Variants in BTBD7 observed in about 807,000 individuals in gnomAD.
BTBD7 encodes the protein BTB domain containing 7, also known as BTB/POZ domain-containing protein 7.
A neutral mutation model predicts 99.9 loss-of-function variants in BTBD7; 38 were observed. That is an observed-to-expected ratio of 0.38 (90% CI 0.29 to 0.50). BTBD7 has a LOEUF of 0.50. Ranked by LOEUF, BTBD7 falls within the 20% of genes least tolerant of loss-of-function variation. The probability of loss-of-function intolerance (pLI) is 0.93; values close to 1 mark genes in which losing one functional copy is unlikely to be tolerated. For synonymous variants in BTBD7, 520 were observed against 511.4 expected (o/e 1.02, Z -0.23); for missense variants, 1,170 against 1,394.6 (o/e 0.84, Z 2.57).
At chr14:93,306,118 TATC>T in intron 1 of BTBD7, among the ~76,000 whole-genome samples, 1 of 152,288 alleles carries the variant, frequency 6.6e-6, no homozygotes, top group African/African-American at 2.4e-5. Flanking sequence ...ATGAGGTCCT[TATC>T]ATAGAAGACA....
At chr14:93,262,573 T>C (rs994679952) in intron 4 of BTBD7, among the ~76,000 whole-genome samples, 2 of 152,030 alleles carry the variant, frequency 1.3e-5, no homozygotes, top group Non-Finnish European at 2.9e-5. Flanking sequence ...GATAAGTAAA[T>C]GAAAGTGTAA....
Position 93,251,517 on chromosome 14 carries a change from G to C in BTBD7, c.1888C>G (p.Gln630Glu), listed in dbSNP as rs1183911793. Residue 630 changes from glutamine (Q) to glutamate (E), a missense_variant, in exon 8 of 11, where the codon CAG (glutamine) becomes GAG (glutamate). Around this residue, in one of 4 missense-constraint regions of BTBD7, gnomAD observed 309 missense variants for 342.0 expected, o/e 0.90. Coordinates refer to ENST00000334746, the MANE Select transcript of BTBD7 (RefSeq NM_001002860.4). ...GGGCTTGACTGGTTGCTGCTGATCT[G>C]CTGGTGGCTGATCATGTGACAACAC... is the stretch of plus-strand genomic sequence containing the variant. ...PQCCHMISHQ[Q>E]ISSNQSSPPS... The C allele has an allele frequency of 6.2e-7, 1 of 1,613,612 alleles. No individual in the cohort carries two copies. Among genetic ancestry groups the C allele is most frequent in the Non-Finnish European group, 8.5e-7 (1 of 1,179,630 alleles).
chr14:93,307,246 G>A (rs1241479965), intron 1 of BTBD7, among the ~76,000 whole-genome samples: 1 of 152,100 alleles, frequency 6.6e-6, no homozygotes, highest in African/African-American at 2.4e-5. Flanking sequence ...ACAGTGCCTG[G>A]GCTCAAGCAA....
chr14:93,267,374 C>T (rs1380304160), intron 3 of BTBD7, among the ~76,000 whole-genome samples: 1 of 152,162 alleles, frequency 6.6e-6, no homozygotes, highest in Admixed American at 6.5e-5. Flanking sequence ...TTCTCATCTG[C>T]AAAGCTGAGA....
chr14:93,268,824 T>C (rs1015077607), intron 3 of BTBD7, among the ~76,000 whole-genome samples: 1 of 147,078 alleles, frequency 6.8e-6, no homozygotes, highest in African/African-American at 2.5e-5. Flanking sequence ...AGCAGCACGA[T>C]CTCAGCTCAC....
In BTBD7 at chr14:93,238,226, G is replaced by A. The variant is rs1001465192; in HGVS notation, c.*4047C>T. The A allele has an allele frequency of 1.3e-5, 2 of 152,494 alleles. No individual in the cohort carries two copies. Among genetic ancestry groups the A allele is most frequent in the African/African-American group, 4.8e-5 (2 of 41,412 alleles). 9.4% of individuals were successfully genotyped at this position (152,494 alleles called of 1,614,324 possible). The stretch of plus-strand genomic sequence containing the variant: ...ACAGCATTATAATATTCAAAATATG[G>A]AAGATTGACAGTCTGAGGATTTTCT... On this transcript the variant is annotated 3_prime_UTR_variant, in exon 11 of 11. Transcript: ENST00000334746.
At chr14:93,312,285 T>C (rs1298310832) in intron 1 of BTBD7, among the ~76,000 whole-genome samples, 1 of 152,242 alleles carries the variant, frequency 6.6e-6, no homozygotes, top group Non-Finnish European at 1.5e-5. Flanking sequence ...GGTTACATAC[T>C]ACACTCTCAG....
At chr14:93,329,858 A>C (rs2053380961) in intron 1 of BTBD7, among the ~76,000 whole-genome samples, 1 of 152,190 alleles carries the variant, frequency 6.6e-6, no homozygotes, top group South Asian at 2.1e-4. Context: ...AAATGAAAGA[A>C]TTCTACAGAT....
chr14:93,243,206 T>G (rs1326474854), intron 10 of BTBD7, 118 bp from the exon 11 acceptor site: 7 of 1,018,858 alleles, frequency 6.9e-6, no homozygotes, highest in East Asian at 2.6e-5. Flanking sequence ...TTTTGTTTTT[T>G]TTTTTGAGAC....
intron 3 of BTBD7, among the ~76,000 whole-genome samples, chr14:93,293,494 G>A (rs765520300): frequency 6.6e-6 from 1 of 152,120 alleles, no homozygotes; most frequent in East Asian, 1.9e-4. Context: ...CATCAACAAG[G>A]TACTGAACAT....
intron 9 of BTBD7, among the ~76,000 whole-genome samples, chr14:93,247,838 G>T (rs1294889280): frequency 6.6e-6 from 1 of 152,184 alleles, no homozygotes; most frequent in Non-Finnish European, 1.5e-5. Context: ...TACTAGAAAT[G>T]AGTTTTTTCT....
intron 3 of BTBD7, among the ~76,000 whole-genome samples, chr14:93,266,114 G>A (rs1385090776): frequency 1.3e-5 from 2 of 151,642 alleles, no homozygotes; most frequent in Non-Finnish European, 1.5e-5. Flanking sequence ...TAAAGAAATC[G>A]ACTGCACAGC....
intron 1 of BTBD7, among the ~76,000 whole-genome samples, chr14:93,327,171 A>C (rs1189128603): frequency 6.6e-6 from 1 of 152,234 alleles, no homozygotes; most frequent in Admixed American, 6.5e-5. Context: ...GAAAATTAAA[A>C]ACTGGTAAAA....
In BTBD7 at chr14:93,242,423, G is replaced by A. The variant is rs767237944; in HGVS notation, c.3249C>T (p.Pro1083=). ...CCAGTCTTCTACCGGATCTCTCTTC[G>A]GGAGCTTCAGAGCTACATGCAGAAA... ...PSLSACSSEA[P]EERSGRRLAD... The change falls in exon 11 of 11, where the codon CCC becomes CCT. Residue 1083 remains proline (P), a synonymous_variant. Transcript: ENST00000334746. The A allele has an allele frequency of 3.3e-5, 54 of 1,614,004 alleles. No individual in the cohort carries two copies. Among genetic ancestry groups the A allele is most frequent in the Non-Finnish European group, 2.3e-5 (27 of 1,180,026 alleles).
chr14:93,279,727 T>TA (rs2052697197), intron 3 of BTBD7, among the ~76,000 whole-genome samples: 2 of 152,152 alleles, frequency 1.3e-5, no homozygotes, highest in African/African-American at 4.8e-5. Context: ...TTTGTATTTT[T>TA]AGTAGAGACA....
intron 10 of BTBD7, 57 bp downstream of exon 10, chr14:93,245,768 T>A: frequency 6.4e-7 from 1 of 1,554,520 alleles, no homozygotes; most frequent in South Asian, 1.2e-5. Context: ...GCCAAGAAAA[T>A]TGCTTCTAAT....
chr14:93,328,611 T>TA (rs57161505), intron 1 of BTBD7, among the ~76,000 whole-genome samples: 10,753 of 101,238 alleles, frequency 0.11, 592 homozygotes, highest in Non-Finnish European at 0.14. Context: ...TAAAATTCTT[T>TA]AAAAAAAAAA....
At chr14:93,301,058 T>C (rs1422840371) in intron 1 of BTBD7, among the ~76,000 whole-genome samples, 1 of 152,002 alleles carries the variant, frequency 6.6e-6, no homozygotes, top group Non-Finnish European at 1.5e-5. Flanking sequence ...AAATAACAAT[T>C]AACGGCCTGG....
chr14:93,247,499 C>A (rs376373752), intron 9 of BTBD7, among the ~76,000 whole-genome samples: 1 of 152,200 alleles, frequency 6.6e-6, no homozygotes, highest in Admixed American at 6.5e-5. Context: ...GCCCACGCCA[C>A]CACACCTGGC....
Sources: gnomAD v4.1 joint callset for allele counts (sites outside exome capture counted in the v4.1 genomes callset) on GRCh38, gnomAD v4.1.1 for gene constraint, gnomAD v4.1.1 regional missense constraint, MANE v1.5 for transcripts, NCBI Gene and HGNC (gene_info 2026-07-23, HGNC 2026-07-21) for gene names.